KCND2: variants seen among roughly 807,000 people sequenced by gnomAD.
KCND2 encodes the protein potassium voltage-gated channel subfamily D member 2, also known as A-type voltage-gated potassium channel KCND2.
Under a neutral mutation model 54.4 loss-of-function variants are expected in KCND2, and 16 were observed. That is an observed-to-expected ratio of 0.29 (90% CI 0.20 to 0.45). The LOEUF (loss-of-function observed/expected upper bound fraction) is 0.45. Ranked by LOEUF, KCND2 falls within the 20% of genes least tolerant of loss-of-function variation. KCND2 has a pLI of 1.00. For missense variants in KCND2, 486 were observed against 824.2 expected (o/e 0.59, Z 5.02); for synonymous variants, 317 against 310.7 (o/e 1.02, Z -0.21).
At chr7:120,361,053 C>G (rs1204492823) in intron 1 of KCND2, among the ~76,000 whole-genome samples, 2 of 152,054 alleles carry the variant, frequency 1.3e-5, no homozygotes, top group Non-Finnish European at 2.9e-5. Flanking sequence ...ATAAGACTTT[C>G]AGTACTGGTC....
chr7:120,592,854 T>G (rs1360884860), intron 1 of KCND2, among the ~76,000 whole-genome samples: 1 of 152,172 alleles, frequency 6.6e-6, no homozygotes, highest in Non-Finnish European at 1.5e-5. Flanking sequence ...ACTCAAAATT[T>G]TCACTAGTCT....
At chr7:120,292,749 A>C (rs963509414) in intron 1 of KCND2, among the ~76,000 whole-genome samples, 8 of 151,908 alleles carry the variant, frequency 5.3e-5, no homozygotes, top group African/African-American at 1.9e-4. Context: ...GGTTAAACTG[A>C]AATTGTTTTC....
chr7:120,568,633 A>G (rs1792327070), intron 1 of KCND2, among the ~76,000 whole-genome samples: 1 of 152,088 alleles, frequency 6.6e-6, no homozygotes, highest in Non-Finnish European at 1.5e-5. Flanking sequence ...TGTGTTGGGA[A>G]ATGGATTAGT....
chr7:120,471,448 C>T (rs908884104), intron 1 of KCND2, among the ~76,000 whole-genome samples: 5 of 152,042 alleles, frequency 3.3e-5, no homozygotes, highest in African/African-American at 1.2e-4. Flanking sequence ...CAAATGATCT[C>T]TAAAATAGTA....
intron 1 of KCND2, among the ~76,000 whole-genome samples, chr7:120,395,277 T>C (rs916812437): frequency 2.0e-5 from 3 of 152,096 alleles, no homozygotes; most frequent in African/African-American, 7.2e-5. Context: ...TCCATAGCTA[T>C]TATTTAATTT....
At chr7:120,589,426 TG>T (rs897848747) in intron 1 of KCND2, among the ~76,000 whole-genome samples, 1 of 152,270 alleles carries the variant, frequency 6.6e-6, no homozygotes, top group Non-Finnish European at 1.5e-5. Flanking sequence ...AAGGTGTAGA[TG>T]TTTTTTAAAC....
In KCND2 at chr7:120,315,083, T is replaced by A. The variant is rs371600398; in HGVS notation, c.1115+39336T>A. ...TATCAATTTACCAACTGATTACAGC[T>A]TAGTTCAACTTAAATTGCTTTGTAA... On this transcript the variant is annotated intron_variant, in intron 1 of 5. Transcript: ENST00000331113. 2.0e-5 allele frequency among the ~76,000 whole-genome samples: 3 copies of A among 152,174 alleles called. No homozygotes were observed. The East Asian group carries it at 5.8e-4, about 29-fold the overall frequency.
At chr7:120,594,321 G>A (rs76404418) in intron 1 of KCND2, among the ~76,000 whole-genome samples, 2,466 of 152,260 alleles carry the variant, frequency 0.016, 56 homozygotes, top group African/African-American at 0.055. Context: ...AGCATTTCAG[G>A]TTGCTTTCAC....
chr7:120,291,917 G>A (rs1799440840), intron 1 of KCND2, among the ~76,000 whole-genome samples: 1 of 151,808 alleles, frequency 6.6e-6, no homozygotes, highest in Admixed American at 6.6e-5. Context: ...TTTTCCTTCT[G>A]CCAAATCCTC....
intron 1 of KCND2, among the ~76,000 whole-genome samples, chr7:120,719,602 A>G (rs1792642724): frequency 6.6e-6 from 1 of 152,048 alleles, no homozygotes; most frequent in Admixed American, 6.6e-5. Flanking sequence ...ACACAAGAAT[A>G]TTTTTCTTTA....
intron 1 of KCND2, among the ~76,000 whole-genome samples, chr7:120,448,865 T>A (rs936354113): frequency 1.3e-5 from 2 of 152,232 alleles, no homozygotes; most frequent in Non-Finnish European, 2.9e-5. Flanking sequence ...TTTTATTTCA[T>A]GTAAGAATCA....
At chr7:120,439,174 A>G (rs941767055) in intron 1 of KCND2, among the ~76,000 whole-genome samples, 6 of 152,030 alleles carry the variant, frequency 3.9e-5, no homozygotes, top group African/African-American at 1.2e-4. Flanking sequence ...TTAAATTTAT[A>G]TTATATGTTC....
chr7:120,686,859 C>T (rs887545397), intron 1 of KCND2, among the ~76,000 whole-genome samples: 1 of 152,128 alleles, frequency 6.6e-6, no homozygotes, highest in Non-Finnish European at 1.5e-5. Context: ...TTACCCAGCT[C>T]CTGAGATCTT....
chr7:120,335,152 G>A (rs1800127701), intron 1 of KCND2, among the ~76,000 whole-genome samples: 1 of 151,978 alleles, frequency 6.6e-6, no homozygotes, highest in African/African-American at 2.4e-5. Context: ...ATTACCTGAG[G>A]TGAGGAGTTT....
At chr7:120,384,998 CTTTTTT>C (rs372225817) in intron 1 of KCND2, among the ~76,000 whole-genome samples, 2 of 82,512 alleles carry the variant, frequency 2.4e-5, no homozygotes, top group African/African-American at 4.8e-5. Context: ...TTGTATATAA[CTTTTTT>C]TTTTTTTTTT....
chr7:120,705,590 C>T (rs748123946), intron 1 of KCND2, among the ~76,000 whole-genome samples: 9 of 152,052 alleles, frequency 5.9e-5, no homozygotes, highest in East Asian at 1.9e-4. Flanking sequence ...AATAACTGAG[C>T]GGGCATTCAA....
intron 1 of KCND2, among the ~76,000 whole-genome samples, chr7:120,497,348 A>G (rs1459021557): frequency 6.6e-6 from 1 of 152,208 alleles, no homozygotes; most frequent in African/African-American, 2.4e-5. Context: ...CAACTGGGAA[A>G]TAAAATATTC....
intron 1 of KCND2, among the ~76,000 whole-genome samples, chr7:120,677,444 G>C (rs1359352444): frequency 6.6e-6 from 1 of 151,766 alleles, no homozygotes; most frequent in South Asian, 2.1e-4. Flanking sequence ...GCTAGTCTTT[G>C]TGAAATAGTT....
At chr7:120,356,798 G>A (rs760248823) in intron 1 of KCND2, among the ~76,000 whole-genome samples, 6 of 151,938 alleles carry the variant, frequency 3.9e-5, no homozygotes, top group Admixed American at 2.6e-4. Flanking sequence ...TCTCTATATC[G>A]TTATTATTTT....
Sources: allele counts gnomAD v4.1 joint callset (sites outside exome capture counted in the v4.1 genomes callset), GRCh38; gene constraint gnomAD v4.1.1; transcripts MANE v1.5; gene names NCBI Gene and HGNC (gene_info 2026-07-23, HGNC 2026-07-21).